ESPNL: variants seen among roughly 807,000 people sequenced by gnomAD.
The protein encoded by ESPNL is espin like.
In ESPNL, 49 loss-of-function variants were observed where a neutral mutation model predicts 46.8. The observed-to-expected ratio is 1.05, with a 90% CI of 0.83 to 1.33. ESPNL has a LOEUF of 1.33. Among genes scored for constraint, ESPNL ranks in the 40% most tolerant of loss-of-function variants. The probability of loss-of-function intolerance (pLI) is 0.00; values close to 1 mark genes in which losing one functional copy is unlikely to be tolerated. For missense variants in ESPNL, 1,540 were observed against 1,436.6 expected (o/e 1.07, Z -1.16); for synonymous variants, 664 against 662.1 (o/e 1.00, Z -0.04).
At chr2:238,107,676 C>T in intron 3 of ESPNL, 115 bp from the exon 4 acceptor site, 2 of 1,093,342 alleles carry the variant, frequency 1.8e-6, no homozygotes, top group Non-Finnish European at 2.6e-6. Context: ...GAGGTTGTAC[C>T]CTGTGCCCCG....
In ESPNL at chr2:238,130,866, T is replaced by TGCGAGGAGGTGCCATCAGAG; in HGVS notation, c.2156_2175dup (p.Gly726ArgfsTer48). On this transcript the variant is annotated frameshift_variant, in exon 9 of 9. Transcript: ENST00000343063. LOFTEE classifies it low-confidence loss of function (END_TRUNC). ...GGAGGCCAGCGACTCTGGCATCAGC[T>TGCGAGGAGGTGCCATCAGAG]GCGAGGAGGTGCCATCAGAGGCGGG... is the stretch of plus-strand genomic sequence containing the variant. 17 of 1,555,514 alleles carry TGCGAGGAGGTGCCATCAGAG rather than the reference T, an allele frequency of 1.1e-5. No homozygotes were observed. The highest frequency in any genetic ancestry group is 1.3e-5 in the Non-Finnish European group (15 of 1,151,146).
In ESPNL at chr2:238,131,245, A is replaced by T; in HGVS notation, c.2531A>T (p.Asp844Val). Residue 844 changes from aspartate to valine, a missense_variant, in exon 9 of 9, where the codon GAC becomes GTC. Transcript: ENST00000343063. ...CCCGAGCAGTTCCTGCCCCACGTGG[A>T]CGGGGCTCCGGTGCCCTACAGCAGC... ...LSPEQFLPHVDGAPVPYSSLS... is the reference protein window; with the variant it reads ...LSPEQFLPHVVGAPVPYSSLS... The T allele has an allele frequency of 6.4e-7, 1 of 1,567,072 alleles. No individual in the cohort carries two copies. The highest frequency in any genetic ancestry group is 8.6e-7 in the Non-Finnish European group (1 of 1,159,088).
chr2:238,104,072 C>T (rs1691542510), intron 2 of ESPNL, among the ~76,000 whole-genome samples: 1 of 152,180 alleles, frequency 6.6e-6, no homozygotes, highest in Middle Eastern at 3.4e-3. Flanking sequence ...TGGGGGTGCT[C>T]GTGAGATCCC....
At chr2:238,117,055 C>G (rs1159943161) in intron 5 of ESPNL, 21 bp downstream of exon 5, 1 of 1,598,672 alleles carries the variant, frequency 6.3e-7, no homozygotes, top group Non-Finnish European at 8.5e-7. Flanking sequence ...GGGTCCCCAG[C>G]TGCCCTGGAG....
At position 238,114,942 on chromosome 2, in the gene ESPNL, AG is replaced by A. The variant is rs1283767648; in HGVS notation, c.856-1959del. On this transcript the variant is annotated intron_variant, in intron 4 of 8. Transcript: ENST00000343063. The surrounding 1 kb of genome is among the most constrained non-coding windows in gnomAD (Gnocchi z 5.0). ...CTGGAGGGCAGCACGGCACCCAGGAAGGCAGGCAGTGCGTGAGCAGACACCC... is the reference window on the plus strand; with the variant it reads ...CTGGAGGGCAGCACGGCACCCAGGAAGCAGGCAGTGCGTGAGCAGACACCC... Among the ~76,000 whole-genome samples the A allele has an allele frequency of 6.6e-6, 1 of 152,218 alleles. No homozygotes were observed. Among genetic ancestry groups the A allele is most frequent in the African/African-American group, 2.4e-5 (1 of 41,462 alleles).
Position 238,100,708 on chromosome 2 carries a change from C to A in ESPNL, c.289C>A (p.Leu97Met). ...CWLVREGGCG[L>M]QDQDASGVSP... is the part of the protein sequence containing the mutation. ...GCTGGTCCGCGAGGGGGGCTGCGGT[C>A]TGCAGGTGAGCGGGGATGGGGCAGC... The change falls in exon 1 of 9, where the codon CTG (leucine) becomes ATG (methionine). Residue 97 changes from leucine (L) to methionine (M), a missense_variant. By Grantham distance (15) the Leu-to-Met change is conservative (BLOSUM62 2). Transcript: ENST00000343063. The A allele has an allele frequency of 7.0e-7, 1 of 1,418,620 alleles. No individual in the cohort carries two copies. The highest frequency in any genetic ancestry group is 1.5e-5 in the South Asian group (1 of 65,264). 87.9% of individuals were successfully genotyped at this position (1,418,620 alleles called of 1,614,324 possible).
At chr2:238,116,565 A>G (rs1691819314) in intron 4 of ESPNL, among the ~76,000 whole-genome samples, 1 of 152,128 alleles carries the variant, frequency 6.6e-6, no homozygotes, top group Non-Finnish European at 1.5e-5. Flanking sequence ...CCACACCTCC[A>G]AGGGTGGCAA....
intron 3 of ESPNL, among the ~76,000 whole-genome samples, chr2:238,105,532 A>G (rs991465821): frequency 2.9e-5 from 4 of 139,656 alleles, no homozygotes; most frequent in Admixed American, 7.1e-5. Context: ...AAAAAAAAAA[A>G]GAGTAGAGGA....
rs566330089 is a variant in ESPNL, at chr2:238,133,246, T to G, written c.*1514T>G. The stretch of plus-strand genomic sequence containing the variant: ...GAAGACCCTGCTGTAGAGCTGAAGC[T>G]GAACATGTGTTTGCTAAATAAAGAT... On this transcript the variant is annotated 3_prime_UTR_variant, in exon 9 of 9. Coordinates refer to ENST00000343063, the MANE Select transcript of ESPNL (RefSeq NM_194312.4). 8 of 152,400 alleles carry G rather than the reference T, an allele frequency of 5.2e-5. No homozygotes were observed. Among genetic ancestry groups the G allele is most frequent in the African/African-American group, 1.7e-4 (7 of 41,578 alleles). 9.4% of individuals were successfully genotyped at this position (152,400 alleles called of 1,614,324 possible).
At chr2:238,123,158 G>A (rs1173488338) in intron 5 of ESPNL, among the ~76,000 whole-genome samples, 1 of 152,232 alleles carries the variant, frequency 6.6e-6, no homozygotes, top group Non-Finnish European at 1.5e-5. Flanking sequence ...TTGCTCAGCA[G>A]ACAGCAAGTC....
chr2:238,103,586 C>T (rs577806480), intron 2 of ESPNL, among the ~76,000 whole-genome samples: 1 of 152,238 alleles, frequency 6.6e-6, no homozygotes, highest in African/African-American at 2.4e-5. Context: ...GACCATGCCC[C>T]CTCCAGTTGC....
chr2:238,119,195 A>G (rs1691916191), intron 5 of ESPNL, among the ~76,000 whole-genome samples: 1 of 112,740 alleles, frequency 8.9e-6, no homozygotes, highest in Non-Finnish European at 1.8e-5. Flanking sequence ...GGAGGAATGG[A>G]TGGAGGAGGG....
intron 1 of ESPNL, 58 bp downstream of exon 1, chr2:238,100,771 G>T: frequency 1.5e-6 from 2 of 1,368,470 alleles, no homozygotes; most frequent in Admixed American, 3.5e-5. Context: ...AACCAGGGAG[G>T]TGTGAGCCAC....
chr2:238,122,318 T>C (rs1278918945), intron 5 of ESPNL, among the ~76,000 whole-genome samples: 1 of 152,224 alleles, frequency 6.6e-6, no homozygotes, highest in Non-Finnish European at 1.5e-5. Context: ...CCTGTTAAAC[T>C]CAGAGACCAT....
intron 4 of ESPNL, among the ~76,000 whole-genome samples, chr2:238,113,136 A>G (rs554950116): frequency 1.3e-5 from 2 of 152,262 alleles, no homozygotes; most frequent in South Asian, 2.1e-4. Context: ...TTTGAACCCC[A>G]TATCTAGTCT....
chr2:238,127,023 TTGTGTGTCTGTTC>T lies in ESPNL; in HGVS notation c.1103-591_1103-579del, dbSNP rs750835013. ...ATTGTGTATCTGTGTGTGATTGTGTTTGTGTGTCTGTTCTGTGTGTGTTTCTGTGATTGTATCT... is the reference window on the plus strand; with the variant it reads ...ATTGTGTATCTGTGTGTGATTGTGTTTGTGTGTGTTTCTGTGATTGTATCT... On this transcript the variant is annotated intron_variant, in intron 6 of 8. Transcript: ENST00000343063. 4.9e-3 allele frequency among the ~76,000 whole-genome samples: 740 copies of T among 151,202 alleles called. 2 individuals are homozygous for T. The highest frequency in any genetic ancestry group is 0.017 in the Middle Eastern group (5 of 292).
At chr2:238,116,055 T>C (rs1574734590) in intron 4 of ESPNL, among the ~76,000 whole-genome samples, 1 of 152,220 alleles carries the variant, frequency 6.6e-6, no homozygotes, top group South Asian at 2.1e-4. Flanking sequence ...AGAGATACAT[T>C]TGGGTCAAAG....
At chr2:238,127,444 C>T (rs1463378635) in intron 6 of ESPNL, 178 bp from the exon 7 acceptor site, 2 of 1,375,284 alleles carry the variant, frequency 1.5e-6, no homozygotes, top group African/African-American at 1.5e-5. Flanking sequence ...CCACTGACTC[C>T]CCAGAGAAGG....
intron 2 of ESPNL, among the ~76,000 whole-genome samples, chr2:238,102,548 G>T (rs1455296049): frequency 6.6e-6 from 1 of 152,176 alleles, no homozygotes; most frequent in Non-Finnish European, 1.5e-5. Context: ...TGGACTTGGG[G>T]ACACAGAGGC....
Sources: allele counts gnomAD v4.1 joint callset (sites outside exome capture counted in the v4.1 genomes callset), GRCh38; gene constraint gnomAD v4.1.1; non-coding constraint Gnocchi (gnomAD v3.1); transcripts MANE v1.5; gene names NCBI Gene and HGNC (gene_info 2026-07-23, HGNC 2026-07-21).